Variants in NRG1 observed in about 807,000 individuals in gnomAD.
NRG1 encodes neuregulin 1, also known as pro-neuregulin-1, membrane-bound isoform.
A neutral mutation model predicts 63.8 loss-of-function variants in NRG1; 18 were observed. That is an observed-to-expected ratio of 0.28 (90% confidence interval 0.19 to 0.42). The LOEUF (loss-of-function observed/expected upper bound fraction) is 0.42. Among genes scored for constraint, NRG1 ranks in the 10% least tolerant of loss-of-function variants. The probability of loss-of-function intolerance (pLI) is 1.00; values close to 1 mark genes in which losing one functional copy is unlikely to be tolerated. For synonymous variants in NRG1, 302 were observed against 301.3 expected (o/e 1.00, Z -0.02); for missense variants, 762 against 814.7 (o/e 0.94, Z 0.79).
intron 1 of NRG1, among the ~76,000 whole-genome samples, chr8:31,849,387 A>G (rs1306631226): frequency 6.6e-6 from 1 of 152,244 alleles, no homozygotes; most frequent in Non-Finnish European, 1.5e-5. Context: ...ATGTCAAGAT[A>G]TCGTGAGCAC....
intron 1 of NRG1, among the ~76,000 whole-genome samples, chr8:32,185,582 A>G (rs1224902217): frequency 2.0e-5 from 3 of 152,212 alleles, no homozygotes; most frequent in Non-Finnish European, 4.4e-5. Context: ...CTATGGGGGA[A>G]AAACAGTAGT....
At chr8:32,144,504 G>A (rs1036811332) in intron 1 of NRG1, among the ~76,000 whole-genome samples, 2 of 152,088 alleles carry the variant, frequency 1.3e-5, no homozygotes, top group Non-Finnish European at 2.9e-5. Context: ...ATTCTCATAA[G>A]TCCATTACTG....
At chr8:32,033,840 G>A (rs1334056004) in intron 1 of NRG1, among the ~76,000 whole-genome samples, 1 of 152,172 alleles carries the variant, frequency 6.6e-6, no homozygotes, top group African/African-American at 2.4e-5. Flanking sequence ...AGCTTAAGAA[G>A]CTTTTGAGCT....
chr8:31,950,123 G>A (rs898091964), intron 1 of NRG1, among the ~76,000 whole-genome samples: 2 of 152,144 alleles, frequency 1.3e-5, no homozygotes, highest in Admixed American at 6.5e-5. Flanking sequence ...GAGACACACT[G>A]AATCACTAGG....
chr8:31,677,779 C>A (rs1258365420), intron 1 of NRG1, among the ~76,000 whole-genome samples: 1 of 152,100 alleles, frequency 6.6e-6, no homozygotes, highest in African/African-American at 2.4e-5. Flanking sequence ...GGTTGGATAC[C>A]ATTCAATCCT....
intron 1 of NRG1, among the ~76,000 whole-genome samples, chr8:32,436,894 TACAC>T (rs10543606): frequency 2.0e-3 from 300 of 149,210 alleles, no homozygotes; most frequent in Admixed American, 6.1e-3. Flanking sequence ...TATACACACA[TACAC>T]ACACACACAC....
intron 1 of NRG1, among the ~76,000 whole-genome samples, chr8:32,081,838 T>C (rs930540490): frequency 6.6e-6 from 1 of 152,080 alleles, no homozygotes; most frequent in African/African-American, 2.4e-5. Flanking sequence ...GATGTTTCGA[T>C]CTGTGGATTG....
At chr8:32,763,576 T>G (rs17671089) in intron 11 of NRG1, among the ~76,000 whole-genome samples, 172 bp from the exon 12 acceptor site, 14,061 of 152,220 alleles carry the variant, frequency 0.092, 759 homozygotes, top group Admixed American at 0.1. Flanking sequence ...GGCTACCTAA[T>G]TTTCGATTCC....
intron 1 of NRG1, among the ~76,000 whole-genome samples, chr8:31,905,933 G>T (rs925441997): frequency 5.3e-5 from 8 of 152,118 alleles, no homozygotes; most frequent in African/African-American, 1.2e-4. Context: ...TATGTTAAAT[G>T]GTTTAAATGA....
chr8:31,860,160 C>T (rs924967597), intron 1 of NRG1, among the ~76,000 whole-genome samples: 1 of 152,122 alleles, frequency 6.6e-6, no homozygotes, highest in African/African-American at 2.4e-5. Flanking sequence ...GAGAGCAAAG[C>T]CAAAGCCATT....
chr8:32,089,385 G>C (rs1828760692), intron 1 of NRG1, among the ~76,000 whole-genome samples: 1 of 152,178 alleles, frequency 6.6e-6, no homozygotes, highest in Non-Finnish European at 1.5e-5. Context: ...CTGCTGGACA[G>C]TTAAATATGC....
intron 1 of NRG1, among the ~76,000 whole-genome samples, chr8:32,591,278 C>T (rs1204027970): frequency 6.6e-6 from 1 of 152,142 alleles, no homozygotes; most frequent in Non-Finnish European, 1.5e-5. Context: ...GTGAGCTTTT[C>T]CACATCTGAT....
chr8:32,453,449 C>A (rs1821221327), intron 1 of NRG1, among the ~76,000 whole-genome samples: 1 of 152,126 alleles, frequency 6.6e-6, no homozygotes, highest in Admixed American at 6.5e-5. Flanking sequence ...TTAGGGCCTC[C>A]CACATAAACT....
chr8:32,711,105 G>A (rs538499307), intron 5 of NRG1, among the ~76,000 whole-genome samples: 2 of 152,124 alleles, frequency 1.3e-5, no homozygotes, highest in Non-Finnish European at 2.9e-5. Flanking sequence ...AATGAAAGAG[G>A]CGTCATCGGG....
At chr8:32,186,518 A>T (rs1841989251) in intron 1 of NRG1, among the ~76,000 whole-genome samples, 1 of 151,936 alleles carries the variant, frequency 6.6e-6, no homozygotes, top group South Asian at 2.1e-4. Flanking sequence ...GAAAGAAATG[A>T]TTCGCATTGT....
chr8:32,112,247 T>G (rs962721033), intron 1 of NRG1, among the ~76,000 whole-genome samples: 1 of 152,220 alleles, frequency 6.6e-6, no homozygotes, highest in Non-Finnish European at 1.5e-5. Flanking sequence ...AGATGACTCC[T>G]GCCAAGTGGT....
At chr8:32,005,138 AG>A (rs1813559076) in intron 1 of NRG1, among the ~76,000 whole-genome samples, 1 of 151,210 alleles carries the variant, frequency 6.6e-6, no homozygotes, top group Non-Finnish European at 1.5e-5. Flanking sequence ...AGGATGGAAG[AG>A]AGGAAGGAAG....
intron 1 of NRG1, among the ~76,000 whole-genome samples, chr8:32,142,109 C>T (rs909170200): frequency 6.6e-6 from 1 of 152,114 alleles, no homozygotes; most frequent in African/African-American, 2.4e-5. Flanking sequence ...TATAGCTTGC[C>T]TACCCTAAAA....
At chr8:31,928,062 A>G (rs1026730919) in intron 1 of NRG1, among the ~76,000 whole-genome samples, 5 of 151,118 alleles carry the variant, frequency 3.3e-5, no homozygotes, top group Non-Finnish European at 7.4e-5. Flanking sequence ...TAAATAATGA[A>G]AGCTCCTTTT....
Sources: allele counts gnomAD v4.1 joint callset (sites outside exome capture counted in the v4.1 genomes callset), GRCh38; gene constraint gnomAD v4.1.1; transcripts MANE v1.5; gene names NCBI Gene and HGNC (gene_info 2026-07-23, HGNC 2026-07-21).